TNPO1: variants seen among roughly 807,000 people sequenced by gnomAD.
TNPO1 encodes the protein transportin-1.
A neutral mutation model predicts 119.5 loss-of-function variants in TNPO1; 8 were observed. The observed-to-expected ratio is 0.07, with a 90% confidence interval of 0.04 to 0.12. TNPO1 has a LOEUF of 0.12. Among genes scored for constraint, TNPO1 ranks in the 10% least tolerant of loss-of-function variants. TNPO1 has a pLI of 1.00. For missense variants in TNPO1, 576 were observed against 1,089.8 expected, an observed-to-expected ratio of 0.53 and a Z score of 6.64; for synonymous variants, 362 against 363.0, an observed-to-expected ratio of 1.00 and a Z score of 0.03.
At chr5:72,827,307 A>C (rs1457909491) in intron 1 of TNPO1, among the ~76,000 whole-genome samples, 1 of 152,148 alleles carries the variant, frequency 6.6e-6, no homozygotes, top group Non-Finnish European at 1.5e-5. Context: ...TGTGATGAGG[A>C]TATAAGATCT....
chr5:72,877,606 TTTTTG>T lies in TNPO1; in HGVS notation c.920+275_920+279del, dbSNP rs529943171. Among the ~76,000 whole-genome samples, 89 of 152,264 alleles carry T rather than the reference TTTTTG, an allele frequency of 5.8e-4. 1 individual carries two copies. In the East Asian group the frequency reaches 0.014, roughly 24 times the overall value. On this transcript the variant is annotated intron_variant, in intron 9 of 24. Coordinates refer to ENST00000337273, the MANE Select transcript of TNPO1 (RefSeq NM_002270.4). Reference sequence around the variant, plus strand: ...CAGTATTTTTGTGGGGTTTTTTTGTTTTTTGTTTTGTTTTGTTTTTAAAAAACAAT... The same window carrying T: ...CAGTATTTTTGTGGGGTTTTTTTGTTTTTTGTTTTGTTTTTAAAAAACAAT...
rs374211225 is a variant in TNPO1, at chr5:72,869,118, G to A, written c.596+3389G>A. Among the ~76,000 whole-genome samples the A allele has an allele frequency of 3.3e-5, 5 of 152,110 alleles. No individual in the cohort carries two copies. The East Asian group carries it at 7.7e-4, about 23-fold the overall frequency. On this transcript the variant is annotated intron_variant, in intron 6 of 24. Coordinates refer to ENST00000337273, the MANE Select transcript of TNPO1 (RefSeq NM_002270.4). The stretch of plus-strand genomic sequence containing the variant: ...GATAATTTTTCCGTATTTTTATTGT[G>A]TTCTGGCTTATCTCAACTTGAAAAA...
chr5:72,852,259 T>C (rs551919874), intron 3 of TNPO1, among the ~76,000 whole-genome samples: 2 of 152,348 alleles, frequency 1.3e-5, no homozygotes, highest in South Asian at 4.1e-4. Context: ...TTAAATAACA[T>C]GGTCATTTGA....
chr5:72,832,714 G>A (rs916958639), intron 1 of TNPO1, among the ~76,000 whole-genome samples: 1 of 152,152 alleles, frequency 6.6e-6, no homozygotes, highest in African/African-American at 2.4e-5. Context: ...GATGGCATCA[G>A]TGGCAGTGAT....
intron 9 of TNPO1, among the ~76,000 whole-genome samples, chr5:72,877,620 TG>T (rs2112392775): frequency 6.6e-6 from 1 of 152,298 alleles, no homozygotes; most frequent in South Asian, 2.1e-4. Context: ...TGTTTTGTTT[TG>T]TTTTTAAAAA....
chr5:72,856,781 A>G (rs1056359923), intron 4 of TNPO1, among the ~76,000 whole-genome samples: 3 of 152,220 alleles, frequency 2.0e-5, no homozygotes, highest in Admixed American at 1.3e-4. Context: ...ATACTGAATT[A>G]ACATGCTTAA....
chr5:72,843,783 G>A (rs920513367), intron 1 of TNPO1, among the ~76,000 whole-genome samples: 2 of 152,142 alleles, frequency 1.3e-5, no homozygotes, highest in African/African-American at 4.8e-5. Flanking sequence ...GAATTTAGTT[G>A]AAATTAGATG....
rs1746461975 is a variant in TNPO1, at chr5:72,861,700, G to T, written c.356-108G>T. ...ATTACAGCATGAGCCACCATGCCTG[G>T]CCAAATGTTATTATTTACATAAAAT... On this transcript the variant is annotated intron_variant, in intron 4 of 24. Transcript: ENST00000337273. 4 of 781,544 alleles carry T rather than the reference G, an allele frequency of 5.1e-6. No individual in the cohort carries two copies. The East Asian group carries it at 1.1e-4, about 22-fold the overall frequency. 48.4% of individuals were successfully genotyped at this position (781,544 alleles called of 1,614,324 possible).
intron 4 of TNPO1, among the ~76,000 whole-genome samples, chr5:72,859,085 T>C (rs1359013338): frequency 6.6e-6 from 1 of 152,176 alleles, no homozygotes; most frequent in Non-Finnish European, 1.5e-5. Flanking sequence ...CTCTAAGAAT[T>C]GGCAACAGAC....
At chr5:72,907,940 G>A (rs1166766335) in intron 24 of TNPO1, among the ~76,000 whole-genome samples, 1 of 151,986 alleles carries the variant, frequency 6.6e-6, no homozygotes, top group African/African-American at 2.4e-5. Context: ...TATGGTCCCA[G>A]CTACTCAGGA....
At chr5:72,845,032 A>C (rs1458612825) in intron 1 of TNPO1, among the ~76,000 whole-genome samples, 1 of 148,980 alleles carries the variant, frequency 6.7e-6, no homozygotes, top group African/African-American at 2.5e-5. Flanking sequence ...GCTGTCTTCT[A>C]TCTTGTTTTT....
Position 72,889,823 on chromosome 5 carries a change from C to T in TNPO1, c.1567C>T (p.Leu523Phe). 1.2e-6 allele frequency: 2 copies of T among 1,610,770 alleles called. No individual in the cohort carries two copies. The highest frequency in any genetic ancestry group is 1.7e-6 in the Non-Finnish European group (2 of 1,178,986). ...CCTAGAAGAGGAGGCTTGTACAGAA[C>T]TTGTTCCTTACCTTGCTTATATACT... ...ATLEEEACTE[L>F]VPYLAYILDT... The change falls in exon 14 of 25, where the codon CTT (leucine) becomes TTT (phenylalanine). Residue 523 changes from leucine (L) to phenylalanine (F), a missense_variant. By Grantham distance (22) the Leu-to-Phe change is conservative. This residue lies in a region of TNPO1 where 310 missense variants were observed against 583.0 expected (regional missense o/e 0.53). Coordinates refer to ENST00000337273, the MANE Select transcript of TNPO1 (RefSeq NM_002270.4).
intron 2 of TNPO1, among the ~76,000 whole-genome samples, chr5:72,849,450 T>G (rs771415131): frequency 6.6e-6 from 1 of 152,232 alleles, no homozygotes; most frequent in Non-Finnish European, 1.5e-5. Flanking sequence ...TGATTTTTAT[T>G]GTCAAAAAGC....
At chr5:72,848,642 G>GCTTA (rs915544260) in intron 2 of TNPO1, 144 bp downstream of exon 2, 1 of 309,408 alleles carries the variant, frequency 3.2e-6, no homozygotes, top group Non-Finnish European at 5.7e-6. Flanking sequence ...TCCGGGCGCG[G>GCTTA]GGGAAGCCGC....
chr5:72,835,924 C>G (rs1479610968), intron 1 of TNPO1, among the ~76,000 whole-genome samples: 1 of 152,208 alleles, frequency 6.6e-6, no homozygotes, highest in Admixed American at 6.5e-5. Context: ...CGAAGGCAAA[C>G]AAGATTAAAT....
At chr5:72,903,236 T>G (rs183365788) in intron 22 of TNPO1, among the ~76,000 whole-genome samples, 4 of 152,278 alleles carry the variant, frequency 2.6e-5, no homozygotes, top group African/African-American at 9.6e-5. Context: ...TTCAACTAAG[T>G]TATGTCTGAA....
At chr5:72,890,350 G>A (rs1300007587) in intron 14 of TNPO1, among the ~76,000 whole-genome samples, 1 of 152,146 alleles carries the variant, frequency 6.6e-6, no homozygotes, top group Non-Finnish European at 1.5e-5. Flanking sequence ...CAGGTACGGG[G>A]AGTATACTGT....
chr5:72,824,834 C>G (rs1411518927), intron 1 of TNPO1, among the ~76,000 whole-genome samples: 2 of 152,140 alleles, frequency 1.3e-5, no homozygotes, highest in Non-Finnish European at 2.9e-5. Context: ...TGTGCAACTA[C>G]CTATTCAACA....
intron 7 of TNPO1, 124 bp from the exon 8 acceptor site, chr5:72,875,491 A>T: frequency 1.2e-6 from 1 of 843,270 alleles, no homozygotes; most frequent in Non-Finnish European, 1.8e-6. Context: ...CTAATATTGT[A>T]GGCCAATTCA....
Sources: allele counts gnomAD v4.1 joint callset (sites outside exome capture counted in the v4.1 genomes callset), GRCh38; gene constraint gnomAD v4.1.1; regional missense constraint gnomAD v4.1.1; transcripts MANE v1.5; gene names NCBI Gene and HGNC (gene_info 2026-07-23, HGNC 2026-07-21).